BICC1: variants seen among roughly 807,000 people sequenced by gnomAD.
The protein encoded by BICC1 is BicC family RNA binding protein 1.
In BICC1, 43 loss-of-function variants were observed where a neutral mutation model predicts 111.0. That is an observed-to-expected ratio of 0.39 (90% CI 0.30 to 0.50). The LOEUF is 0.50. Ranked by LOEUF, BICC1 falls within the 20% of genes least tolerant of loss-of-function variation. BICC1 has a pLI of 0.88. For synonymous variants in BICC1, 467 were observed against 434.4 expected (o/e 1.07, Z -0.93); for missense variants, 1,091 against 1,203.2 (o/e 0.91, Z 1.38).
At chr10:58,628,642 A>G (rs547322372) in intron 2 of BICC1, among the ~76,000 whole-genome samples, 3 of 152,250 alleles carry the variant, frequency 2.0e-5, no homozygotes, top group Non-Finnish European at 4.4e-5. Context: ...AGTGGCAACA[A>G]TATCTGGGTA....
chr10:58,740,383 G>A (rs891230075), intron 3 of BICC1, among the ~76,000 whole-genome samples: 5 of 152,138 alleles, frequency 3.3e-5, no homozygotes, highest in African/African-American at 1.2e-4. Context: ...GCTGTTCCCT[G>A]AAACTCCTTT....
chr10:58,581,418 G>C (rs1655621363), intron 1 of BICC1, among the ~76,000 whole-genome samples: 1 of 152,024 alleles, frequency 6.6e-6, no homozygotes, highest in African/African-American at 2.4e-5. Context: ...TAGTGTTTTT[G>C]ATCCATAGGA....
chr10:58,519,272 T>G (rs899796356), intron 1 of BICC1, among the ~76,000 whole-genome samples: 1 of 152,188 alleles, frequency 6.6e-6, no homozygotes, highest in Non-Finnish European at 1.5e-5. Flanking sequence ...TCTTAGAGAT[T>G]TTGCATTTTT....
intron 2 of BICC1, among the ~76,000 whole-genome samples, chr10:58,651,121 C>T (rs1838434264): frequency 6.6e-6 from 1 of 152,144 alleles, no homozygotes. Context: ...ACGCTCTAAG[C>T]TTTGTGACCT....
At chr10:58,694,304 T>C (rs1840005861) in intron 2 of BICC1, among the ~76,000 whole-genome samples, 1 of 152,230 alleles carries the variant, frequency 6.6e-6, no homozygotes, top group African/African-American at 2.4e-5. Context: ...CTACTTGCGT[T>C]GCCATCTGTG....
intron 3 of BICC1, chr10:58,716,234 A>C (rs1282013542): frequency 6.7e-7 from 1 of 1,497,530 alleles, no homozygotes; most frequent in Non-Finnish European, 9.1e-7. Flanking sequence ...AATAAGAAGC[A>C]TAAGAAACAC....
chr10:58,766,482 G>A (rs560011630), intron 3 of BICC1, among the ~76,000 whole-genome samples: 2 of 152,062 alleles, frequency 1.3e-5, no homozygotes, highest in African/African-American at 4.8e-5. Flanking sequence ...AGTAAAATTT[G>A]GATAATCTCC....
intron 3 of BICC1, chr10:58,715,811 C>G: frequency 7.6e-7 from 1 of 1,319,808 alleles, no homozygotes. Context: ...CAAGTGAGAG[C>G]TCATCCAAAA....
At chr10:58,690,312 C>A (rs1992157) in intron 2 of BICC1, among the ~76,000 whole-genome samples, 39,412 of 152,144 alleles carry the variant, frequency 0.26, 6,607 homozygotes, top group African/African-American at 0.48. Context: ...ATTTTTCTTA[C>A]AGGCCATGGC....
rs1843352800 is a variant in BICC1, at chr10:58,796,354, A to G, written c.1194A>G (p.Lys398=). The G allele has an allele frequency of 1.9e-6, 3 of 1,613,650 alleles. No homozygotes were observed. The highest frequency in any genetic ancestry group is 2.5e-6 in the Non-Finnish European group (3 of 1,179,834). Residue 398 remains lysine (K), a synonymous_variant, in exon 10 of 21, where the codon AAA becomes AAG. Transcript: ENST00000373886. ...TGTTTTCATAGTCTGTGATTGTGAA[A>G]AGTGTTGAGCGAAATGCCTTAAATA... The part of the protein sequence containing the change: ...PKQPSKSVIV[K]SVERNALNMY...
At chr10:58,525,921 T>TAATA (rs1473108939) in intron 1 of BICC1, among the ~76,000 whole-genome samples, 1 of 151,330 alleles carries the variant, frequency 6.6e-6, no homozygotes, top group Non-Finnish European at 1.5e-5. Flanking sequence ...TGTGGTTGAA[T>TAATA]AATAGTACAT....
At chr10:58,579,727 C>T (rs1277686050) in intron 1 of BICC1, among the ~76,000 whole-genome samples, 2 of 152,188 alleles carry the variant, frequency 1.3e-5, no homozygotes, top group Non-Finnish European at 2.9e-5. Context: ...ACTTCCCCTA[C>T]TCAGTTGGCT....
chr10:58,598,168 A>G lies in BICC1; in HGVS notation c.191-22687A>G, dbSNP rs546168082. 4.6e-5 allele frequency among the ~76,000 whole-genome samples: 7 copies of G among 152,212 alleles called. No homozygotes were observed. The South Asian group carries it at 8.3e-4, about 18-fold the overall frequency. On this transcript the variant is annotated intron_variant, in intron 1 of 20. Transcript: ENST00000373886. ...CTGACTTCTCACAACATAAAACTTC[A>G]TATGGAACCAAAAAAGAGCCTGCAT...
At chr10:58,706,641 C>A (rs370673255) in intron 3 of BICC1, among the ~76,000 whole-genome samples, 1 of 152,102 alleles carries the variant, frequency 6.6e-6, no homozygotes, top group Non-Finnish European at 1.5e-5. Context: ...TTTCCTTCCA[C>A]GCTGTTCTCA....
At chr10:58,640,808 A>G (rs946670355) in intron 2 of BICC1, among the ~76,000 whole-genome samples, 2 of 152,208 alleles carry the variant, frequency 1.3e-5, no homozygotes, top group African/African-American at 4.8e-5. Context: ...TACGAAAGAA[A>G]CAACTTGGAA....
At chr10:58,622,474 A>G (rs925757448) in intron 2 of BICC1, among the ~76,000 whole-genome samples, 1 of 152,258 alleles carries the variant, frequency 6.6e-6, no homozygotes, top group African/African-American at 2.4e-5. Flanking sequence ...ATGGAAACAC[A>G]TGTTTGAATC....
At chr10:58,644,946 G>T (rs1042816758) in intron 2 of BICC1, among the ~76,000 whole-genome samples, 9 of 152,022 alleles carry the variant, frequency 5.9e-5, no homozygotes, top group African/African-American at 2.2e-4. Flanking sequence ...ACAATAAAAG[G>T]TCATCAAATA....
rs1262994366 is a variant in BICC1, at chr10:58,797,706, A to G, written c.1367-693A>G. ...GTTATATACTTTATGCTTTATATGT[A>G]TTCCTGGAAACTTGTATACAAATCC... On this transcript the variant is annotated intron_variant, in intron 10 of 20. Transcript: ENST00000373886. 3.3e-5 allele frequency among the ~76,000 whole-genome samples: 5 copies of G among 152,190 alleles called. No homozygotes were observed. The East Asian group carries it at 9.6e-4, about 29-fold the overall frequency.
intron 2 of BICC1, among the ~76,000 whole-genome samples, chr10:58,653,659 T>A (rs896142919): frequency 1.4e-5 from 2 of 140,934 alleles, no homozygotes; most frequent in Non-Finnish European, 3.1e-5. Context: ...GTGCACATCC[T>A]TTTACAAGTA....
Sources: gnomAD v4.1 joint callset for allele counts (sites outside exome capture counted in the v4.1 genomes callset) on GRCh38, gnomAD v4.1.1 for gene constraint, MANE v1.5 for transcripts, NCBI Gene and HGNC (gene_info 2026-07-23, HGNC 2026-07-21) for gene names.